The following PUM3 variants were observed in gnomAD, a reference collection of about 807,000 sequenced individuals.
The protein encoded by PUM3 is pumilio homolog 3.
Under a neutral mutation model 84.0 loss-of-function variants are expected in PUM3, and 91 were observed. That is an observed-to-expected ratio of 1.08 (90% CI 0.91 to 1.29). The LOEUF (loss-of-function observed/expected upper bound fraction) is 1.29, where lower values mean the gene tolerates loss of function less well. Ranked by LOEUF, PUM3 falls within the 50% of genes most tolerant of loss-of-function variation. The pLI, the probability that PUM3 is intolerant of heterozygous loss-of-function variation, is 0.00. For synonymous variants in PUM3, 321 were observed against 266.7 expected (o/e 1.20, Z -1.98); for missense variants, 1,067 against 767.5 (o/e 1.39, Z -4.61).
intron 17 of PUM3, among the ~76,000 whole-genome samples, chr9:2,807,187 G>A (rs1044985772): frequency 6.6e-6 from 1 of 151,846 alleles, no homozygotes; most frequent in Non-Finnish European, 1.5e-5. Context: ...CAGCCTGGGC[G>A]ACAGTGTGAG....
At chr9:2,807,770 G>C (rs375753529) in intron 17 of PUM3, 44 bp downstream of exon 17, 3 of 1,251,376 alleles carry the variant, frequency 2.4e-6, no homozygotes, top group Non-Finnish European at 3.5e-6. Context: ...TGTGTCTTTT[G>C]CATGACCAGG....
chr9:2,810,599 G>A (rs958708158), intron 15 of PUM3, among the ~76,000 whole-genome samples, 168 bp from the exon 16 acceptor site: 3 of 152,180 alleles, frequency 2.0e-5, no homozygotes, highest in Non-Finnish European at 4.4e-5. Context: ...ATACTTGGGG[G>A]GACCACAGAT....
chr9:2,829,357 T>A (rs2129857667), intron 8 of PUM3, among the ~76,000 whole-genome samples: 1 of 152,190 alleles, frequency 6.6e-6, no homozygotes, highest in East Asian at 1.9e-4. Context: ...CCAGACACAA[T>A]CTGAAGAAGG....
In PUM3 at chr9:2,839,005, T is replaced by A. The variant is rs190235042; in HGVS notation, c.-10-488A>T. Among the ~76,000 whole-genome samples, 37 of 152,216 alleles carry A rather than the reference T, an allele frequency of 2.4e-4. 1 individual carries two copies. Among genetic ancestry groups the A allele is most frequent in the Non-Finnish European group, 4.7e-4 (32 of 68,034 alleles). ...TAAAGGATTATCTGAAAGATTCCTATGCAATCCAACACAGCTAAAACAAAG... is the reference window on the plus strand; with the variant it reads ...TAAAGGATTATCTGAAAGATTCCTAAGCAATCCAACACAGCTAAAACAAAG... On this transcript the variant is annotated intron_variant, in intron 1 of 17. Transcript: ENST00000397885.
intron 1 of PUM3, among the ~76,000 whole-genome samples, chr9:2,841,767 T>C (rs900104834): frequency 2.0e-5 from 3 of 152,052 alleles, no homozygotes; most frequent in Non-Finnish European, 4.4e-5. Context: ...TCACCCTCTT[T>C]AGTGAAGTTA....
In PUM3 at chr9:2,829,862, A is replaced by G. The variant is rs769701789; in HGVS notation, c.764T>C (p.Val255Ala). The change falls in exon 8 of 18, where the codon GTG (valine) becomes GCG (alanine). Residue 255 changes from valine to alanine, a missense_variant. Transcript: ENST00000397885. ...MLRHAEASAI[V>A]EYAYNDKAIL... Reference sequence around the variant, plus strand: ...GGCTTTGTCATTGTATGCGTACTCCACGATGGCTGATGCTTCCGCATGCCG... The same window carrying G: ...GGCTTTGTCATTGTATGCGTACTCCGCGATGGCTGATGCTTCCGCATGCCG... The G allele has an allele frequency of 1.9e-6, 3 of 1,614,174 alleles. No homozygotes were observed. Among genetic ancestry groups the G allele is most frequent in the Non-Finnish European group, 2.5e-6 (3 of 1,179,974 alleles).
rs1345624364 is a variant in PUM3 at position 2,810,401 on chromosome 9, G to C, written c.1666C>G (p.Leu556Val). Reference protein sequence around the residue: ...LHIAEHPAGHLVLKWLIEQDK... With the variant: ...LHIAEHPAGHVVLKWLIEQDK... ...TGCTCTATTAACCACTTCAGAACTA[G>C]ATGTCCTGCAGGATGTTCTGCAATG... Residue 556 changes from leucine to valine, a missense_variant, in exon 16 of 18, where the codon CTA becomes GTA. By Grantham distance (32) the Leu-to-Val change is conservative. Transcript: ENST00000397885. The C allele has an allele frequency of 3.1e-6, 5 of 1,611,780 alleles. No homozygotes were observed. The highest frequency in any genetic ancestry group is 3.4e-6 in the Non-Finnish European group (4 of 1,178,804).
chr9:2,837,035 A>G, intron 3 of PUM3, 145 bp downstream of exon 3: 1 of 682,686 alleles, frequency 1.5e-6, no homozygotes, highest in South Asian at 1.8e-5. Context: ...AGCATGAAAG[A>G]TGCTTTGTTG....
In PUM3 at chr9:2,806,376, T is replaced by C. The variant is rs548669112; in HGVS notation, c.1814+1438A>G. On this transcript the variant is annotated intron_variant, in intron 17 of 17. Coordinates refer to ENST00000397885, the MANE Select transcript of PUM3 (RefSeq NM_014878.5). ...ACTTATATATTTGGAGACACTGACA[T>C]ACCTGAAGCTATGAATGCTCCTGTG... is the stretch of plus-strand genomic sequence containing the variant. Among the ~76,000 whole-genome samples, 3 of 152,330 alleles carry C rather than the reference T, an allele frequency of 2.0e-5. No homozygotes were observed. In the East Asian group the frequency reaches 5.8e-4, roughly 29 times the overall value.
At chr9:2,828,346 C>G (rs1020857851) in intron 9 of PUM3, 23 of 211,434 alleles carry the variant, frequency 1.1e-4, no homozygotes, top group Non-Finnish European at 2.0e-4. Context: ...TTGCCTACAA[C>G]CAAATTTGAG....
chr9:2,835,959 G>T (rs1816108630), intron 3 of PUM3, among the ~76,000 whole-genome samples: 1 of 152,102 alleles, frequency 6.6e-6, no homozygotes, highest in African/African-American at 2.4e-5. Context: ...GAGAAAGAAA[G>T]ATTTGGGATC....
intron 16 of PUM3, among the ~76,000 whole-genome samples, chr9:2,809,986 T>C (rs1033026749): frequency 1.3e-5 from 2 of 151,780 alleles, no homozygotes; most frequent in African/African-American, 2.4e-5. Context: ...TACTCAACAA[T>C]TGGGGCCCCC....
intron 16 of PUM3, among the ~76,000 whole-genome samples, chr9:2,808,748 A>G (rs1195741921): frequency 1.3e-5 from 2 of 152,130 alleles, no homozygotes; most frequent in Admixed American, 1.3e-4. Context: ...GACCACAATA[A>G]TATCTCCTGT....
chr9:2,843,458 T>G (rs1361204093), intron 1 of PUM3, among the ~76,000 whole-genome samples: 1 of 151,996 alleles, frequency 6.6e-6, no homozygotes, highest in Non-Finnish European at 1.5e-5. Flanking sequence ...GTTTGTGAAG[T>G]AGCACAGACA....
intron 17 of PUM3, among the ~76,000 whole-genome samples, chr9:2,806,649 G>T (rs1025398302): frequency 6.6e-6 from 1 of 152,118 alleles, no homozygotes; most frequent in Non-Finnish European, 1.5e-5. Context: ...CATCTGCACA[G>T]AGAATGTATG....
chr9:2,810,123 G>C (rs554630652), intron 16 of PUM3, among the ~76,000 whole-genome samples: 1 of 151,068 alleles, frequency 6.6e-6, no homozygotes, highest in East Asian at 2.0e-4. Context: ...CTGGCGGGGG[G>C]GGTTTGGAAA....
chr9:2,842,627 A>C (rs1816294634), intron 1 of PUM3, among the ~76,000 whole-genome samples: 1 of 151,686 alleles, frequency 6.6e-6, no homozygotes, highest in Non-Finnish European at 1.5e-5. Flanking sequence ...CTCTCTCCAC[A>C]CTTCTCCCTA....
At chr9:2,810,457 T>G (rs1821343036) in intron 15 of PUM3, 26 bp from the exon 16 acceptor site, 1 of 1,508,570 alleles carries the variant, frequency 6.6e-7, no homozygotes, top group African/African-American at 1.4e-5. Context: ...AACAGTTAAT[T>G]TTAAAAGTTG....
chr9:2,807,025 G>A (rs1046970402), intron 17 of PUM3, among the ~76,000 whole-genome samples: 1 of 151,624 alleles, frequency 6.6e-6, no homozygotes. Context: ...TGGCTAACAC[G>A]GTGAAACCAG....
Sources: allele counts gnomAD v4.1 joint callset (sites outside exome capture counted in the v4.1 genomes callset), GRCh38; gene constraint gnomAD v4.1.1; transcripts MANE v1.5; gene names NCBI Gene and HGNC (gene_info 2026-07-23, HGNC 2026-07-21).